Variants in TECRL observed in about 807,000 individuals in gnomAD.
TECRL encodes trans-2,3-enoyl-CoA reductase like, also known as trans-2,3-enoyl-CoA reductase-like.
TECRL carries 63 observed loss-of-function variants against 52.8 expected under a neutral mutation model. The ratio of observed to expected loss-of-function variants is 1.19; its 90% CI spans 0.97 to 1.47. The LOEUF is 1.47. TECRL is among the 40% of genes most tolerant of loss of function. TECRL has a pLI of 0.00. For synonymous variants in TECRL, 164 were observed against 141.9 expected, an observed-to-expected ratio of 1.16 and a Z score of -1.10; for missense variants, 482 against 429.6, an observed-to-expected ratio of 1.12 and a Z score of -1.08.
chr4:64,341,146 G>A (rs570751379), intron 2 of TECRL, among the ~76,000 whole-genome samples: 24 of 152,268 alleles, frequency 1.6e-4, no homozygotes, highest in Admixed American at 9.2e-4. Context: ...GTGGCAGAAA[G>A]GAGCTTCTCC....
chr4:64,348,831 G>A (rs1252820848), intron 2 of TECRL, among the ~76,000 whole-genome samples: 1 of 152,118 alleles, frequency 6.6e-6, no homozygotes, highest in African/African-American at 2.4e-5. Context: ...TCTACATCCT[G>A]AGAAAGTGAT....
At chr4:64,408,578 C>A (rs1030645338) in intron 1 of TECRL, among the ~76,000 whole-genome samples, 5 of 151,636 alleles carry the variant, frequency 3.3e-5, no homozygotes, top group African/African-American at 9.7e-5. Flanking sequence ...GTTTTTGAAG[C>A]AAGTAAACTT....
At chr4:64,315,552 A>G (rs1296683956) in intron 4 of TECRL, among the ~76,000 whole-genome samples, 1 of 152,106 alleles carries the variant, frequency 6.6e-6, no homozygotes, top group Non-Finnish European at 1.5e-5. Context: ...AAAAAAATAC[A>G]ACTTAACAAT....
chr4:64,372,575 G>T (rs1378312592), intron 2 of TECRL, among the ~76,000 whole-genome samples: 1 of 151,516 alleles, frequency 6.6e-6, no homozygotes, highest in East Asian at 1.9e-4. Flanking sequence ...GTATAGAAAA[G>T]ACATATTACA....
intron 2 of TECRL, among the ~76,000 whole-genome samples, chr4:64,360,041 T>A (rs944114662): frequency 6.6e-6 from 1 of 152,178 alleles, no homozygotes; most frequent in African/African-American, 2.4e-5. Context: ...CTTCTATATA[T>A]CTTTAGCTGA....
At chr4:64,339,681 T>C (rs1478783363) in intron 2 of TECRL, among the ~76,000 whole-genome samples, 2 of 152,044 alleles carry the variant, frequency 1.3e-5, no homozygotes, top group Non-Finnish European at 1.5e-5. Flanking sequence ...TACTCAAATC[T>C]GAAGATTCTC....
Position 64,360,743 on chromosome 4 carries a change from G to T in TECRL, c.286+14429C>A, listed in dbSNP as rs111493275. ...TGGGACTCATTCCTGGCCCTGAATG[G>T]CTCCTGGGGAAAGGGTGAGTGCAAT... On this transcript the variant is annotated intron_variant, in intron 2 of 11. Coordinates refer to ENST00000381210, the MANE Select transcript of TECRL (RefSeq NM_001010874.5). Among the ~76,000 whole-genome samples, 18 of 152,238 alleles carry T rather than the reference G, an allele frequency of 1.2e-4. No homozygotes were observed. In the East Asian group the frequency reaches 1.4e-3, roughly 11 times the overall value.
intron 1 of TECRL, among the ~76,000 whole-genome samples, chr4:64,381,446 T>G (rs1217545619): frequency 6.6e-6 from 1 of 151,874 alleles, no homozygotes; most frequent in Non-Finnish European, 1.5e-5. Flanking sequence ...TAAGAATGGG[T>G]ATCCTTGTCT....
chr4:64,347,689 T>C (rs1387125578), intron 2 of TECRL, among the ~76,000 whole-genome samples: 2 of 152,080 alleles, frequency 1.3e-5, no homozygotes, highest in East Asian at 3.9e-4. Flanking sequence ...ACTCATTCAC[T>C]ATCATAAGAA....
At chr4:64,400,850 G>T (rs1724309332) in intron 1 of TECRL, among the ~76,000 whole-genome samples, 1 of 152,168 alleles carries the variant, frequency 6.6e-6, no homozygotes, top group Admixed American at 6.5e-5. Context: ...ACAGCCTGCA[G>T]AACTGTGAGC....
intron 2 of TECRL, among the ~76,000 whole-genome samples, chr4:64,359,116 T>C (rs1214072900): frequency 6.6e-6 from 1 of 152,000 alleles, no homozygotes; most frequent in East Asian, 1.9e-4. Flanking sequence ...AAAGATTCTC[T>C]AGCATTTTTA....
intron 2 of TECRL, among the ~76,000 whole-genome samples, chr4:64,332,134 T>A (rs1354423527): frequency 6.6e-6 from 1 of 152,046 alleles, no homozygotes; most frequent in Non-Finnish European, 1.5e-5. Context: ...CCCCTAAGGG[T>A]ATCTGTTTAT....
chr4:64,397,127 G>A (rs749543399), intron 1 of TECRL, among the ~76,000 whole-genome samples: 38 of 152,068 alleles, frequency 2.5e-4, no homozygotes, highest in Admixed American at 6.6e-4. Flanking sequence ...AATTTATCTT[G>A]AACTTTTTTG....
At chr4:64,394,665 C>T (rs1310747687) in intron 1 of TECRL, among the ~76,000 whole-genome samples, 1 of 152,116 alleles carries the variant, frequency 6.6e-6, no homozygotes, top group Non-Finnish European at 1.5e-5. Context: ...TGTTTCCATA[C>T]TTGTCCTTAA....
chr4:64,307,127 A>G (rs772038431), intron 6 of TECRL, among the ~76,000 whole-genome samples: 34 of 152,164 alleles, frequency 2.2e-4, no homozygotes, highest in Admixed American at 9.2e-4. Flanking sequence ...TTTGGAGGTC[A>G]GTCACTTTCA....
At chr4:64,305,921 G>A (rs1226829636) in intron 6 of TECRL, among the ~76,000 whole-genome samples, 1 of 152,102 alleles carries the variant, frequency 6.6e-6, no homozygotes, top group Non-Finnish European at 1.5e-5. Context: ...GCTGCTGAGA[G>A]CATTTCTATT....
At chr4:64,406,417 T>C (rs922167589) in intron 1 of TECRL, among the ~76,000 whole-genome samples, 3 of 151,940 alleles carry the variant, frequency 2.0e-5, no homozygotes, top group Admixed American at 6.6e-5. Flanking sequence ...TGTCAAAGAA[T>C]AATTAAATAT....
At chr4:64,312,827 T>C (rs1717137164) in intron 5 of TECRL, among the ~76,000 whole-genome samples, 1 of 152,060 alleles carries the variant, frequency 6.6e-6, no homozygotes, top group African/African-American at 2.4e-5. Context: ...AAGAAAACTT[T>C]TTTCATGCTC....
At chr4:64,320,687 T>A (rs1717837020) in intron 4 of TECRL, among the ~76,000 whole-genome samples, 1 of 152,088 alleles carries the variant, frequency 6.6e-6, no homozygotes. Flanking sequence ...CCTGACACAA[T>A]TTCTGTAAAC....
Sources: allele counts gnomAD v4.1 joint callset (sites outside exome capture counted in the v4.1 genomes callset), GRCh38; gene constraint gnomAD v4.1.1; transcripts MANE v1.5; gene names NCBI Gene and HGNC (gene_info 2026-07-23, HGNC 2026-07-21).